UNC13C: variants seen among roughly 807,000 people sequenced by gnomAD.
UNC13C encodes unc-13 homolog C, also known as protein unc-13 homolog C.
In UNC13C, 174 loss-of-function variants were observed where a neutral mutation model predicts 245.4. The observed-to-expected ratio is 0.71, with a 90% CI of 0.63 to 0.80. UNC13C has a LOEUF of 0.80. Among genes scored for constraint, UNC13C ranks in the 30% least tolerant of loss-of-function variants. UNC13C has a pLI of 0.00. For synonymous variants in UNC13C, 992 were observed against 895.1 expected (o/e 1.11, Z -1.93); for missense variants, 2,829 against 2,602.9 (o/e 1.09, Z -1.89).
chr15:54,494,467 G>C (rs1294204238), intron 19 of UNC13C, 141 bp from the exon 20 acceptor site: 1 of 753,686 alleles, frequency 1.3e-6, no homozygotes. Flanking sequence ...TTTTAGGTCA[G>C]CTTTTAGCAA....
At chr15:54,090,993 C>A (rs1347835603) in intron 2 of UNC13C, among the ~76,000 whole-genome samples, 3 of 149,966 alleles carry the variant, frequency 2.0e-5, no homozygotes, top group Non-Finnish European at 4.4e-5. Context: ...CACACTTAGC[C>A]TCAATTCTGT....
intron 19 of UNC13C, among the ~76,000 whole-genome samples, chr15:54,442,911 G>A (rs769699569): frequency 6.6e-6 from 1 of 151,936 alleles, no homozygotes; most frequent in African/African-American, 2.4e-5. Context: ...TTTTAGTATC[G>A]GGGTAATTCT....
chr15:54,448,561 T>C (rs955052419), intron 19 of UNC13C, among the ~76,000 whole-genome samples: 2 of 152,178 alleles, frequency 1.3e-5, no homozygotes, highest in African/African-American at 4.8e-5. Flanking sequence ...TCTTTGTTGG[T>C]TTAAAGTCTG....
At chr15:54,336,319 G>T (rs1428826555) in intron 16 of UNC13C, among the ~76,000 whole-genome samples, 1 of 151,914 alleles carries the variant, frequency 6.6e-6, no homozygotes, top group Non-Finnish European at 1.5e-5. Context: ...CTACTTTCTT[G>T]CATTCTTCAA....
chr15:54,453,075 G>T (rs1346502824), intron 19 of UNC13C, among the ~76,000 whole-genome samples: 1 of 152,182 alleles, frequency 6.6e-6, no homozygotes, highest in African/African-American at 2.4e-5. Flanking sequence ...TGAGTTTCCA[G>T]TATGAGGGAC....
At chr15:54,584,178 C>T (rs1438344316) in intron 30 of UNC13C, among the ~76,000 whole-genome samples, 1 of 152,096 alleles carries the variant, frequency 6.6e-6, no homozygotes, top group Admixed American at 6.5e-5. Flanking sequence ...CAAAGAGAGA[C>T]CTGAAGACCA....
intron 2 of UNC13C, among the ~76,000 whole-genome samples, chr15:54,028,092 G>A (rs1280271858): frequency 1.3e-5 from 2 of 152,148 alleles, no homozygotes; most frequent in African/African-American, 4.8e-5. Flanking sequence ...GCTGCCCATG[G>A]TTTAAGTACC....
intron 7 of UNC13C, among the ~76,000 whole-genome samples, chr15:54,246,653 TA>T (rs1266175441): frequency 1.3e-5 from 2 of 150,556 alleles, no homozygotes; most frequent in Admixed American, 1.3e-4. Context: ...TGCAAAGTTG[TA>T]GAAGATTTGT....
At chr15:53,849,912 T>A in the UNC13C span, among the ~76,000 whole-genome samples, 1 of 152,224 alleles carries the variant, frequency 6.6e-6, no homozygotes, top group Non-Finnish European at 1.5e-5. Context: ...GGGCCATGTG[T>A]TTAAAAAAAT....
intron 2 of UNC13C, among the ~76,000 whole-genome samples, chr15:54,058,958 A>G (rs1206045733): frequency 6.6e-6 from 1 of 152,220 alleles, no homozygotes; most frequent in African/African-American, 2.4e-5. Context: ...GACGGGACGT[A>G]TCTCAAAATA....
At chr15:53,958,629 A>G in the UNC13C span, among the ~76,000 whole-genome samples, 4 of 152,158 alleles carry the variant, frequency 2.6e-5, no homozygotes, top group East Asian at 5.8e-4. Context: ...GGCTACTCCA[A>G]TAGCCTCTGC....
At position 54,015,903 on chromosome 15, in the gene UNC13C, G is replaced by A; in HGVS notation, c.2983+17G>A. 1 of 1,530,096 alleles carries A rather than the reference G, an allele frequency of 6.5e-7. No individual in the cohort carries two copies. Among genetic ancestry groups the A allele is most frequent in the Non-Finnish European group, 8.8e-7 (1 of 1,139,958 alleles). 94.8% of individuals were successfully genotyped at this position (1,530,096 alleles called of 1,614,324 possible). A position where few individuals can be genotyped will look rare whatever the true frequency, so the allele number is the denominator to read the frequency against. On this transcript the variant is annotated intron_variant, in intron 2 of 32. Transcript: ENST00000260323. ...TGGCTGGAGGTATTCATGTTTAAAT[G>A]CTACATTGTGAGCTAATTGTGTTTT...
At chr15:54,137,383 T>C (rs2031792300) in intron 2 of UNC13C, among the ~76,000 whole-genome samples, 1 of 152,212 alleles carries the variant, frequency 6.6e-6, no homozygotes, top group African/African-American at 2.4e-5. Flanking sequence ...TATTATCTCC[T>C]CTTCAATTTT....
intron 25 of UNC13C, among the ~76,000 whole-genome samples, chr15:54,531,657 A>G (rs76114527): frequency 4.0e-5 from 6 of 151,490 alleles, no homozygotes; most frequent in African/African-American, 1.5e-4. Context: ...TTTTTTTTTA[A>G]CAACAAATTT....
At chr15:54,146,904 T>G (rs1438176151) in intron 4 of UNC13C, among the ~76,000 whole-genome samples, 1 of 152,150 alleles carries the variant, frequency 6.6e-6, no homozygotes. Flanking sequence ...GAATTGAGTA[T>G]GAAAAGCCTG....
intron 17 of UNC13C, among the ~76,000 whole-genome samples, chr15:54,347,450 C>T (rs1049080966): frequency 2.6e-5 from 4 of 151,992 alleles, no homozygotes; most frequent in Admixed American, 6.6e-5. Flanking sequence ...GAATGACTAC[C>T]TAAGAAAATT....
chr15:54,631,024 ATAAAG>A (rs965692695), downstream of UNC13C: 5 of 152,146 alleles, frequency 3.3e-5, no homozygotes, highest in Non-Finnish European at 5.9e-5. Context: ...ATCGATGAAA[ATAAAG>A]TAATGCTTAG....
chr15:54,009,671 T>A (rs1318943575), intron 1 of UNC13C, among the ~76,000 whole-genome samples: 1 of 151,956 alleles, frequency 6.6e-6, no homozygotes, highest in East Asian at 1.9e-4. Flanking sequence ...CTCAGCCTCC[T>A]GCGTAGCTGG....
chr15:53,882,623 T>G, the UNC13C span, among the ~76,000 whole-genome samples: 1 of 152,132 alleles, frequency 6.6e-6, no homozygotes, highest in Non-Finnish European at 1.5e-5. Context: ...TAATTTACAT[T>G]TATTGAAAAT....
Sources: gnomAD v4.1 joint callset for allele counts (sites outside exome capture counted in the v4.1 genomes callset) on GRCh38, gnomAD v4.1.1 for gene constraint, MANE v1.5 for transcripts, NCBI Gene and HGNC (gene_info 2026-07-23, HGNC 2026-07-21) for gene names.